The following ANO6 variants were observed in gnomAD, a reference collection of about 807,000 sequenced individuals.
ANO6 encodes anoctamin 6.
A neutral mutation model predicts 117.5 loss-of-function variants in ANO6; 106 were observed. The ratio of observed to expected loss-of-function variants is 0.90; its 90% CI spans 0.77 to 1.06. The LOEUF (loss-of-function observed/expected upper bound fraction) is 1.06. ANO6 is among the 50% of genes least tolerant of loss of function. ANO6 has a pLI of 0.00. For missense variants in ANO6, 955 were observed against 1,121.1 expected (o/e 0.85, Z 2.12); for synonymous variants, 367 against 385.1 (o/e 0.95, Z 0.55).
At chr12:45,295,273 G>A (rs1939250066) in intron 1 of ANO6, among the ~76,000 whole-genome samples, 1 of 152,200 alleles carries the variant, frequency 6.6e-6, no homozygotes, top group African/African-American at 2.4e-5. Flanking sequence ...TACTCTGCAA[G>A]CCTACAACCT....
chr12:45,318,600 A>G (rs980380830), intron 2 of ANO6, among the ~76,000 whole-genome samples: 41 of 152,140 alleles, frequency 2.7e-4, no homozygotes, highest in Admixed American at 2.7e-3. Flanking sequence ...TTGACTTGGC[A>G]ATGCGGGCTT....
intron 16 of ANO6, among the ~76,000 whole-genome samples, chr12:45,415,117 A>T (rs530818236): frequency 6.6e-6 from 1 of 152,274 alleles, no homozygotes; most frequent in South Asian, 2.1e-4. Flanking sequence ...TTACATTAGA[A>T]TTCTAAATTA....
intron 16 of ANO6, among the ~76,000 whole-genome samples, chr12:45,413,505 G>A (rs148564191): frequency 2.8e-3 from 425 of 152,344 alleles, no homozygotes; most frequent in Non-Finnish European, 4.3e-3. Context: ...GCTCAGAGGA[G>A]CCATGGGTGA....
chr12:45,388,975 A>G (rs1942371791), intron 11 of ANO6, among the ~76,000 whole-genome samples: 1 of 152,220 alleles, frequency 6.6e-6, no homozygotes, highest in South Asian at 2.1e-4. Flanking sequence ...TGATTTTTAA[A>G]TCATCTGCAT....
rs189011073 is a variant in ANO6 at position 45,278,759 on chromosome 12, C to T, written c.71-23255C>T. Among the ~76,000 whole-genome samples the T allele has an allele frequency of 1.9e-4, 29 of 152,252 alleles. 1 individual carries two copies. The highest frequency in any genetic ancestry group is 1.4e-3 in the Admixed American group (22 of 15,302). On this transcript the variant is annotated intron_variant, in intron 1 of 19. Coordinates refer to ENST00000320560, the MANE Select transcript of ANO6 (RefSeq NM_001025356.3). Reference sequence around the variant, plus strand: ...GATGCCCTCTCAGTGTCTGGGAAGTCTTGTCCCTTCTAATTTTTGAGTAGC... The same window carrying T: ...GATGCCCTCTCAGTGTCTGGGAAGTTTTGTCCCTTCTAATTTTTGAGTAGC...
chr12:45,320,873 T>C (rs1396565147), intron 2 of ANO6, among the ~76,000 whole-genome samples: 11 of 152,206 alleles, frequency 7.2e-5, no homozygotes, highest in Admixed American at 5.9e-4. Context: ...CATTATGTAA[T>C]GGCCTTCTTT....
intron 8 of ANO6, among the ~76,000 whole-genome samples, chr12:45,365,965 T>G (rs1362220520): frequency 1.3e-5 from 2 of 152,214 alleles, no homozygotes; most frequent in Admixed American, 1.3e-4. Context: ...AGATCTTTAC[T>G]CAGCTATTCT....
intron 1 of ANO6, among the ~76,000 whole-genome samples, chr12:45,278,119 C>A (rs1938609467): frequency 6.6e-6 from 1 of 151,810 alleles, no homozygotes; most frequent in Non-Finnish European, 1.5e-5. Context: ...CCACACCTGG[C>A]TAATTTTTAA....
intron 10 of ANO6, chr12:45,383,349 C>T (rs1302580389): frequency 6.5e-6 from 1 of 154,466 alleles, no homozygotes; most frequent in Non-Finnish European, 1.4e-5. Flanking sequence ...CAAAGTCATC[C>T]ATGAGGGTTA....
At chr12:45,410,559 T>C (rs1202696431) in intron 16 of ANO6, among the ~76,000 whole-genome samples, 1 of 152,250 alleles carries the variant, frequency 6.6e-6, no homozygotes, top group Non-Finnish European at 1.5e-5. Flanking sequence ...GACACGCTTA[T>C]ATCTAATAGA....
chr12:45,315,154 C>T (rs548276173), intron 2 of ANO6, among the ~76,000 whole-genome samples: 50 of 152,208 alleles, frequency 3.3e-4, no homozygotes, highest in African/African-American at 8.4e-4. Flanking sequence ...TGTGCTAACA[C>T]GATAGCCACT....
chr12:45,279,237 A>G (rs1592909880), intron 1 of ANO6, among the ~76,000 whole-genome samples: 1 of 152,156 alleles, frequency 6.6e-6, no homozygotes, highest in Non-Finnish European at 1.5e-5. Flanking sequence ...CTTCAGTCCC[A>G]CTTCCAGAGG....
chr12:45,293,863 G>A (rs976643929), intron 1 of ANO6, among the ~76,000 whole-genome samples: 3 of 149,944 alleles, frequency 2.0e-5, no homozygotes, highest in Non-Finnish European at 4.4e-5. Flanking sequence ...GATTACAAGC[G>A]TGAGCCACTG....
At chr12:45,424,688 G>A (rs1256002050) in intron 19 of ANO6, among the ~76,000 whole-genome samples, 1 of 152,072 alleles carries the variant, frequency 6.6e-6, no homozygotes, top group Non-Finnish European at 1.5e-5. Context: ...TTGTAGTGCT[G>A]GAGGTCTCAA....
intron 2 of ANO6, among the ~76,000 whole-genome samples, chr12:45,328,712 T>G (rs1237391516): frequency 6.6e-6 from 1 of 152,158 alleles, no homozygotes; most frequent in African/African-American, 2.4e-5. Context: ...TACTGAAAAA[T>G]AGAAGATTCC....
intron 3 of ANO6, among the ~76,000 whole-genome samples, chr12:45,333,978 A>G (rs1374108074): frequency 1.3e-5 from 2 of 152,056 alleles, no homozygotes; most frequent in Non-Finnish European, 2.9e-5. Flanking sequence ...AGGGCTGGAG[A>G]AAGATAGAAG....
chr12:45,216,369 G>GGAC lies in ANO6; in HGVS notation c.57_59dup (p.Asp20dup), dbSNP rs775831095. 4.3e-6 allele frequency: 7 copies of GGAC among 1,612,844 alleles called. No homozygotes were observed. Among genetic ancestry groups the GGAC allele is most frequent in the East Asian group, 2.2e-5 (1 of 44,812 alleles). The stretch of plus-strand genomic sequence containing the variant: ...TTTTGCTACAAATGGAGGAGGAGGA[G>GGAC]GACGACGACGATGGGGATATCGGTG... On this transcript the variant is annotated inframe_insertion, in exon 1 of 20. Transcript: ENST00000320560.
At chr12:45,357,574 A>G (rs1941446191) in intron 8 of ANO6, 150 bp downstream of exon 8, 1 of 1,079,596 alleles carries the variant, frequency 9.3e-7, no homozygotes, top group Non-Finnish European at 1.3e-6. Flanking sequence ...GAGCACAATA[A>G]CTGAGTGAAA....
intron 9 of ANO6, among the ~76,000 whole-genome samples, chr12:45,371,558 C>T (rs1257989292): frequency 1.3e-5 from 2 of 152,084 alleles, no homozygotes; most frequent in Admixed American, 1.3e-4. Context: ...TGACCCCTGA[C>T]CCCCGAGCAG....
Sources: gnomAD v4.1 joint callset for allele counts (sites outside exome capture counted in the v4.1 genomes callset) on GRCh38, gnomAD v4.1.1 for gene constraint, MANE v1.5 for transcripts, NCBI Gene and HGNC (gene_info 2026-07-23, HGNC 2026-07-21) for gene names.